GLB1: variants seen among roughly 807,000 people sequenced by gnomAD.
GLB1 encodes galactosidase beta 1.
GLB1 carries 56 observed loss-of-function variants against 74.0 expected under a neutral mutation model. That is an observed-to-expected ratio of 0.76 (90% CI 0.61 to 0.94). The LOEUF (loss-of-function observed/expected upper bound fraction) is 0.94, where lower values mean the gene tolerates loss of function less well. Ranked by LOEUF, GLB1 falls within the 40% of genes least tolerant of loss-of-function variation. The pLI, the probability that GLB1 is intolerant of heterozygous loss-of-function variation, is 0.00. For synonymous variants in GLB1, 323 were observed against 323.6 expected (o/e 1.00, Z 0.02); for missense variants, 787 against 845.5 (o/e 0.93, Z 0.86).
intron 1 of GLB1, chr3:33,094,247 G>C (rs2125586989): frequency 6.5e-7 from 1 of 1,528,026 alleles, no homozygotes; most frequent in African/African-American, 1.4e-5. Flanking sequence ...GTGGACTCTG[G>C]AAATGAGTTC....
chr3:33,043,983 C>G (rs1255286288), intron 10 of GLB1, among the ~76,000 whole-genome samples: 1 of 151,898 alleles, frequency 6.6e-6, no homozygotes, highest in Non-Finnish European at 1.5e-5. Context: ...ACTGGCAGAG[C>G]TACAAAGGGA....
At chr3:33,052,134 A>G (rs1699020362) in intron 7 of GLB1, 130 bp from the exon 8 acceptor site, 3 of 1,530,332 alleles carry the variant, frequency 2.0e-6, no homozygotes, top group Non-Finnish European at 2.6e-6. Context: ...CTTAACCCAG[A>G]GACGCCCCCC....
At chr3:32,961,114 T>C in the GLB1 span, among the ~76,000 whole-genome samples, 1 of 152,230 alleles carries the variant, frequency 6.6e-6, no homozygotes, top group Non-Finnish European at 1.5e-5. Flanking sequence ...GGGCTTTAGG[T>C]CAAAAATTAC....
intron 2 of GLB1, among the ~76,000 whole-genome samples, chr3:33,069,354 C>T (rs957615684): frequency 3.3e-5 from 5 of 151,808 alleles, no homozygotes; most frequent in African/African-American, 1.2e-4. Flanking sequence ...CACTGCACTC[C>T]AAACTGGATG....
chr3:33,030,814 AT>A (rs1330121671), intron 10 of GLB1: 1 of 985,286 alleles, frequency 1.0e-6, no homozygotes, highest in African/African-American at 1.7e-5. Flanking sequence ...TGGAATCCCT[AT>A]AAAGAACAGA....
At chr3:33,067,374 C>A (rs1699726632) in intron 4 of GLB1, among the ~76,000 whole-genome samples, 1 of 151,760 alleles carries the variant, frequency 6.6e-6, no homozygotes, top group African/African-American at 2.4e-5. Flanking sequence ...TCATGGCTCA[C>A]TGCAGTCTCA....
the GLB1 span, among the ~76,000 whole-genome samples, chr3:32,980,833 C>G: frequency 9.2e-5 from 14 of 151,390 alleles, no homozygotes; most frequent in East Asian, 2.7e-3. Flanking sequence ...GCTCACGCCC[C>G]TAATCCCAGC....
chr3:33,043,491 T>G (rs994563331), intron 10 of GLB1, among the ~76,000 whole-genome samples: 5 of 148,466 alleles, frequency 3.4e-5, no homozygotes, highest in Non-Finnish European at 7.5e-5. Flanking sequence ...GGGAAAGAAA[T>G]AAGAGGAAAA....
the GLB1 span, among the ~76,000 whole-genome samples, chr3:32,990,930 C>T: frequency 6.6e-6 from 1 of 151,952 alleles, no homozygotes. Flanking sequence ...GCAGAGATCA[C>T]GCCACTGCAC....
At chr3:33,029,152 G>A (rs1402311005) in intron 10 of GLB1, among the ~76,000 whole-genome samples, 1 of 151,978 alleles carries the variant, frequency 6.6e-6, no homozygotes, top group African/African-American at 2.4e-5. Flanking sequence ...CTTTACCTTA[G>A]CTAATTAATG....
intron 1 of GLB1, among the ~76,000 whole-genome samples, chr3:33,083,780 T>A (rs1259139513): frequency 7.0e-6 from 1 of 142,100 alleles, no homozygotes; most frequent in African/African-American, 2.9e-5. Context: ...TACTGGCCAA[T>A]GTAATTTTTT....
At chr3:33,041,583 A>G (rs1367731994) in intron 10 of GLB1, among the ~76,000 whole-genome samples, 6 of 151,664 alleles carry the variant, frequency 4.0e-5, no homozygotes, top group Non-Finnish European at 4.4e-5. Flanking sequence ...AATCGCTTGA[A>G]GCTGGGAGGC....
At chr3:32,997,930 C>A (rs1308948227) in intron 15 of GLB1, among the ~76,000 whole-genome samples, 1 of 152,204 alleles carries the variant, frequency 6.6e-6, no homozygotes, top group Non-Finnish European at 1.5e-5. Flanking sequence ...AAAACAACCC[C>A]TCAAGAGGGA....
At chr3:32,998,498 G>C (rs1696410606) in intron 15 of GLB1, among the ~76,000 whole-genome samples, 1 of 147,986 alleles carries the variant, frequency 6.8e-6, no homozygotes, top group Non-Finnish European at 1.5e-5. Context: ...CAGTGACAGA[G>C]CAAGACTCCG....
At chr3:33,025,798 C>T (rs1697720752) in intron 10 of GLB1, among the ~76,000 whole-genome samples, 1 of 152,186 alleles carries the variant, frequency 6.6e-6, no homozygotes, top group South Asian at 2.1e-4. Flanking sequence ...CCCCTGTGCC[C>T]CATGTCCCCG....
At chr3:33,084,840 G>GA (rs1478283365) in intron 1 of GLB1, among the ~76,000 whole-genome samples, 1 of 151,944 alleles carries the variant, frequency 6.6e-6, no homozygotes, top group East Asian at 1.9e-4. Flanking sequence ...TGCATTCAGG[G>GA]AAAAAAACAA....
chr3:33,030,587 A>G, intron 10 of GLB1: 2 of 985,454 alleles, frequency 2.0e-6, no homozygotes, highest in Non-Finnish European at 2.4e-6. Flanking sequence ...TCAATCAGCC[A>G]GTGTAGACAA....
chr3:33,026,334 C>T (rs1328336910), intron 10 of GLB1, among the ~76,000 whole-genome samples: 1 of 152,228 alleles, frequency 6.6e-6, no homozygotes, highest in Non-Finnish European at 1.5e-5. Context: ...CACTGACATG[C>T]CAGCCCCCTG....
Position 33,093,251 on chromosome 3 carries a change from A to G in GLB1, c.75+3760T>C. On this transcript the variant is annotated intron_variant, in intron 1 of 15. Transcript: ENST00000307363. This position sits in a 1 kb window ranked among gnomAD's most constrained non-coding sequence, Gnocchi z 6.0. The stretch of plus-strand genomic sequence containing the variant: ...CACTCCCACTGCCACTGCCACCACC[A>G]CCACGTTGGGCCCGTGTGGCGGAAA... 1 of 1,614,140 alleles carries G rather than the reference A, an allele frequency of 6.2e-7. No individual in the cohort carries two copies. Among genetic ancestry groups the G allele is most frequent in the Non-Finnish European group, 8.5e-7 (1 of 1,180,010 alleles).
Sources: gnomAD v4.1 joint callset for allele counts (sites outside exome capture counted in the v4.1 genomes callset) on GRCh38, gnomAD v4.1.1 for gene constraint, Gnocchi (gnomAD v3.1) non-coding constraint, MANE v1.5 for transcripts, NCBI Gene and HGNC (gene_info 2026-07-23, HGNC 2026-07-21) for gene names.